CCL17: variants seen among roughly 807,000 people sequenced by gnomAD.
CCL17 encodes the protein C-C motif chemokine ligand 17.
CCL17 carries 8 observed loss-of-function variants against 7.4 expected under a neutral mutation model. That is an observed-to-expected ratio of 1.09 (90% CI 0.64 to 1.96). CCL17 has a LOEUF of 1.96. Ranked by LOEUF, CCL17 falls within the 30% of genes most tolerant of loss-of-function variation. The pLI is 0.00. For synonymous variants in CCL17, 40 were observed against 46.1 expected (o/e 0.87, Z 0.54); for missense variants, 102 against 113.0 (o/e 0.90, Z 0.44).
At chr16:57,399,929 A>G (rs144830858), upstream of CCL17, among the ~76,000 whole-genome samples, 4 of 152,346 alleles carry the variant, frequency 2.6e-5, no homozygotes, top group African/African-American at 9.6e-5. Flanking sequence ...CCAATCACTG[A>G]GACACCAAGT....
upstream of CCL17, among the ~76,000 whole-genome samples, chr16:57,402,812 C>T (rs868750048): frequency 2.0e-5 from 3 of 151,932 alleles, no homozygotes; most frequent in African/African-American, 7.3e-5. Context: ...AGCCATTTAT[C>T]CATTCACTCA....
At chr16:57,408,725 C>A (rs1902738742) in intron 1 of CCL17, among the ~76,000 whole-genome samples, 1 of 130,544 alleles carries the variant, frequency 7.7e-6, no homozygotes, top group Non-Finnish European at 1.6e-5. Flanking sequence ...CACGCCACCA[C>A]ACCCAGCTAA....
chr16:57,398,382 G>A, the CCL17 span, among the ~76,000 whole-genome samples: 1 of 152,232 alleles, frequency 6.6e-6, no homozygotes, highest in Non-Finnish European at 1.5e-5. Flanking sequence ...TCTGTGATGT[G>A]TAAAGAGAAG....
At chr16:57,403,550 T>A (rs533898262), upstream of CCL17, among the ~76,000 whole-genome samples, 193 of 35,596 alleles carry the variant, frequency 5.4e-3, 6 homozygotes, top group South Asian at 0.012. Context: ...AAATATATAT[T>A]TTATATATAT....
chr16:57,415,854 G>A lies in CCL17; in HGVS notation c.278G>A (p.Arg93Lys). ...NAVKYLQSLERS is the reference protein window; with the variant it reads ...NAVKYLQSLEKS ...GTTAAATACCTGCAAAGCCTTGAGAGGTCTTGAAGCCTCCTCACCCCAGAC... is the reference window on the plus strand; with the variant it reads ...GTTAAATACCTGCAAAGCCTTGAGAAGTCTTGAAGCCTCCTCACCCCAGAC... Residue 93 changes from arginine (R) to lysine (K), a missense_variant, in exon 4 of 4, where the codon AGG becomes AAG. Physicochemically the swap from Arg to Lys is conservative, Grantham distance 26 (BLOSUM62 2). Transcript: ENST00000219244. This position sits in a 1 kb window ranked among gnomAD's most constrained non-coding sequence, Gnocchi z 4.5. 2.5e-6 allele frequency: 4 copies of A among 1,603,884 alleles called. No individual in the cohort carries two copies. The highest frequency in any genetic ancestry group is 3.4e-6 in the Non-Finnish European group (4 of 1,170,632).
Position 57,415,006 on chromosome 16 carries a change from G to T in CCL17, c.71-75G>T. The T allele has an allele frequency of 1.1e-6, 1 of 933,316 alleles. No individual in the cohort carries two copies. Among genetic ancestry groups the T allele is most frequent in the South Asian group, 1.3e-5 (1 of 77,064 alleles). 57.8% of individuals were successfully genotyped at this position (933,316 alleles called of 1,614,324 possible). ...GGACACGCACATGCAGATCTTCCACGAACACCCCCCAGAGGTCCCCGCAAC... is the reference window on the plus strand; with the variant it reads ...GGACACGCACATGCAGATCTTCCACTAACACCCCCCAGAGGTCCCCGCAAC... On this transcript the variant is annotated intron_variant, in intron 2 of 3. Coordinates refer to ENST00000219244, the MANE Select transcript of CCL17 (RefSeq NM_002987.3). The surrounding 1 kb of genome is among the most constrained non-coding windows in gnomAD (Gnocchi z 4.5).
chr16:57,411,481 C>T (rs170368), intron 1 of CCL17, among the ~76,000 whole-genome samples: 3 of 152,218 alleles, frequency 2.0e-5, no homozygotes, highest in Admixed American at 6.5e-5. Flanking sequence ...TGCAGGAAAG[C>T]GAAGAGGACT....
At chr16:57,406,465 T>C (rs1446305183) in intron 1 of CCL17, among the ~76,000 whole-genome samples, 2 of 152,158 alleles carry the variant, frequency 1.3e-5, no homozygotes, top group Admixed American at 6.5e-5. Flanking sequence ...CTGTAGAAAC[T>C]AATAGTTCTT....
chr16:57,405,991 G>A (rs1002346266), intron 1 of CCL17, among the ~76,000 whole-genome samples: 5 of 151,738 alleles, frequency 3.3e-5, no homozygotes, highest in Admixed American at 2.0e-4. Context: ...GCAGTAAGCC[G>A]AGATAGCGCT....
chr16:57,406,619 C>G (rs1024589536), intron 1 of CCL17, among the ~76,000 whole-genome samples: 1 of 152,132 alleles, frequency 6.6e-6, no homozygotes, highest in Admixed American at 6.5e-5. Context: ...AGGGAAGAAC[C>G]ATGTCCCAAA....
chr16:57,405,889 A>C (rs1157775590), intron 1 of CCL17, among the ~76,000 whole-genome samples: 1 of 151,208 alleles, frequency 6.6e-6, no homozygotes, highest in African/African-American at 2.4e-5. Flanking sequence ...AAAAAAAAAA[A>C]AAATTAGCCG....
intron 1 of CCL17, among the ~76,000 whole-genome samples, chr16:57,409,888 G>T (rs1167903042): frequency 6.6e-6 from 1 of 152,170 alleles, no homozygotes. Flanking sequence ...CTGATTCCCA[G>T]CCCCCTGGGC....
intron 1 of CCL17, among the ~76,000 whole-genome samples, chr16:57,406,922 G>T (rs1049843213): frequency 6.6e-6 from 1 of 152,182 alleles, no homozygotes; most frequent in African/African-American, 2.4e-5. Context: ...TAAGGCAGTG[G>T]GAGGTTCAGG....
intron 2 of CCL17, 107 bp from the exon 3 acceptor site, chr16:57,414,974 C>T: frequency 4.0e-6 from 3 of 746,206 alleles, no homozygotes; most frequent in Non-Finnish European, 2.5e-6. Context: ...CACACAGATG[C>T]ACACATGGAC....
chr16:57,397,928 T>C, the CCL17 span, among the ~76,000 whole-genome samples: 6 of 152,084 alleles, frequency 3.9e-5, no homozygotes, highest in African/African-American at 1.4e-4. Context: ...AGCATATAGG[T>C]TAAGGTCAGG....
Position 57,416,060 on chromosome 16 carries a change from C to T in CCL17, c.*199C>T. On this transcript the variant is annotated 3_prime_UTR_variant, in exon 4 of 4. Transcript: ENST00000219244. The stretch of plus-strand genomic sequence containing the variant: ...AAGGGCCCAGATTAAAGTCTTTATC[C>T]TCAGTCTGTGTCAGCGTGTCTGTCC... The T allele has an allele frequency of 1.8e-6, 1 of 557,842 alleles. No homozygotes were observed. The highest frequency in any genetic ancestry group is 3.2e-6 in the Non-Finnish European group (1 of 309,502). 34.6% of individuals were successfully genotyped at this position (557,842 alleles called of 1,614,324 possible). A position where few individuals can be genotyped will look rare whatever the true frequency, so the allele number is the denominator to read the frequency against.
rs1397042422 is a variant in CCL17, at chr16:57,415,401, G to T, written c.188+203G>T. Reference sequence around the variant, plus strand: ...CTATTCCTTGATTTGTGGTGAAATTGAGGCCCCGGGAGCAATGAACACCCC... The same window carrying T: ...CTATTCCTTGATTTGTGGTGAAATTTAGGCCCCGGGAGCAATGAACACCCC... On this transcript the variant is annotated intron_variant, in intron 3 of 3. Coordinates refer to ENST00000219244, the MANE Select transcript of CCL17 (RefSeq NM_002987.3). The surrounding 1 kb of genome is among the most constrained non-coding windows in gnomAD (Gnocchi z 4.5). Among the ~76,000 whole-genome samples, 1 of 152,230 alleles carries T rather than the reference G, an allele frequency of 6.6e-6. No individual in the cohort carries two copies. The highest frequency in any genetic ancestry group is 1.5e-5 in the Non-Finnish European group (1 of 68,046).
upstream of CCL17, among the ~76,000 whole-genome samples, chr16:57,400,290 C>T (rs1199441850): frequency 5.3e-5 from 8 of 151,856 alleles, no homozygotes; most frequent in Non-Finnish European, 1.0e-4. Flanking sequence ...ACCCGAGAGG[C>T]GGAGCTTGCA....
At chr16:57,403,572 TTATAATATA>T (rs1902645381), upstream of CCL17, among the ~76,000 whole-genome samples, 5 of 56,526 alleles carry the variant, frequency 8.8e-5, no homozygotes, top group African/African-American at 3.7e-4. Context: ...TAATATATAT[TTATAATATA>T]TATAATATAT....
Sources: gnomAD v4.1 joint callset for allele counts (sites outside exome capture counted in the v4.1 genomes callset) on GRCh38, gnomAD v4.1.1 for gene constraint, Gnocchi (gnomAD v3.1) non-coding constraint, MANE v1.5 for transcripts, NCBI Gene and HGNC (gene_info 2026-07-23, HGNC 2026-07-21) for gene names.